The following AFF1 variants were observed in gnomAD, a reference collection of about 807,000 sequenced individuals.
AFF1 encodes AF4/FMR2 family member 1.
A neutral mutation model predicts 121.7 loss-of-function variants in AFF1; 48 were observed. The ratio of observed to expected loss-of-function variants is 0.39; its 90% confidence interval spans 0.31 to 0.50. The LOEUF is 0.50. Ranked by LOEUF, AFF1 falls within the 20% of genes least tolerant of loss-of-function variation. The probability of loss-of-function intolerance (pLI) is 0.76; values close to 1 mark genes in which losing one functional copy is unlikely to be tolerated. For missense variants in AFF1, 1,523 were observed against 1,511.7 expected, an observed-to-expected ratio of 1.01 and a Z score of -0.12; for synonymous variants, 613 against 563.0, an observed-to-expected ratio of 1.09 and a Z score of -1.26.
At chr4:87,111,420 C>A (rs1726519203) in intron 11 of AFF1, among the ~76,000 whole-genome samples, 1 of 151,240 alleles carries the variant, frequency 6.6e-6, no homozygotes. Flanking sequence ...GTGGTGTGAT[C>A]TCGGCTCACT....
chr4:87,065,278 T>G (rs1436991136), intron 4 of AFF1, among the ~76,000 whole-genome samples: 2 of 152,164 alleles, frequency 1.3e-5, no homozygotes, highest in East Asian at 1.9e-4. Context: ...AAACTCCTGT[T>G]TTTAAAACCA....
chr4:86,966,588 A>G (rs566266717), intron 2 of AFF1, among the ~76,000 whole-genome samples: 2 of 79,574 alleles, frequency 2.5e-5, no homozygotes, highest in East Asian at 5.6e-4. Flanking sequence ...GATGGCTCAC[A>G]GGAAAAAAAA....
Position 87,009,584 on chromosome 4 carries a change from G to C in AFF1, c.39-36582G>C, listed in dbSNP as rs183234540. 5.3e-4 allele frequency among the ~76,000 whole-genome samples: 81 copies of C among 152,326 alleles called. No individual in the cohort carries two copies. The Middle Eastern group carries it at 0.017, about 32-fold the overall frequency. On this transcript the variant is annotated intron_variant, in intron 2 of 20. Transcript: ENST00000395146. The stretch of plus-strand genomic sequence containing the variant: ...GTTATGTCTGTTGTTTTCTTAGTCT[G>C]TGTGTTGGGAGTATATCTCACATTT...
intron 11 of AFF1, among the ~76,000 whole-genome samples, chr4:87,110,455 T>C (rs1353308431): frequency 7.5e-6 from 1 of 133,882 alleles, no homozygotes; most frequent in Non-Finnish European, 1.8e-5. Context: ...TGTTTTGTTT[T>C]GTTTTGTTTT....
At chr4:86,937,481 C>A (rs1293622324) in intron 1 of AFF1, among the ~76,000 whole-genome samples, 1 of 152,176 alleles carries the variant, frequency 6.6e-6, no homozygotes, top group Non-Finnish European at 1.5e-5. Context: ...GTGAAAGTTA[C>A]TTTTTTAATT....
intron 4 of AFF1, among the ~76,000 whole-genome samples, chr4:87,072,187 A>T (rs938251048): frequency 6.6e-6 from 1 of 151,794 alleles, no homozygotes; most frequent in African/African-American, 2.4e-5. Flanking sequence ...CACGGTGAAG[A>T]CCCGTCTCTA....
At chr4:87,068,186 G>GTGGGGA (rs1272197756) in intron 4 of AFF1, among the ~76,000 whole-genome samples, 1 of 151,794 alleles carries the variant, frequency 6.6e-6, no homozygotes, top group African/African-American at 2.4e-5. Context: ...TGGAGTGGGG[G>GTGGGGA]TGGGGATGTG....
intron 11 of AFF1, among the ~76,000 whole-genome samples, chr4:87,112,005 G>A (rs1443364699): frequency 6.6e-6 from 1 of 152,192 alleles, no homozygotes; most frequent in Non-Finnish European, 1.5e-5. Context: ...CACATAAATA[G>A]TCTTCTAAAG....
intron 5 of AFF1, among the ~76,000 whole-genome samples, chr4:87,085,121 TA>T (rs1158556875): frequency 3.3e-5 from 5 of 152,268 alleles, no homozygotes; most frequent in Non-Finnish European, 5.9e-5. Flanking sequence ...TGTCATTGAA[TA>T]CATTACCCAC....
intron 16 of AFF1, among the ~76,000 whole-genome samples, chr4:87,129,536 TAA>T (rs1432536939): frequency 6.6e-6 from 1 of 152,208 alleles, no homozygotes; most frequent in Non-Finnish European, 1.5e-5. Flanking sequence ...TGGTGTTGAA[TAA>T]GTATATTTGG....
chr4:86,998,618 A>G (rs1725433907), intron 2 of AFF1, among the ~76,000 whole-genome samples: 1 of 152,052 alleles, frequency 6.6e-6, no homozygotes, highest in African/African-American at 2.4e-5. Context: ...AACATACTGT[A>G]TTGTACCTGT....
chr4:87,101,505 C>T (rs112814458), intron 8 of AFF1, among the ~76,000 whole-genome samples: 126 of 151,966 alleles, frequency 8.3e-4, no homozygotes, highest in African/African-American at 2.8e-3. Context: ...TGAACCTGGA[C>T]GGCGAAGAGT....
At chr4:87,008,121 C>G (rs1726358568) in intron 2 of AFF1, among the ~76,000 whole-genome samples, 1 of 152,170 alleles carries the variant, frequency 6.6e-6, no homozygotes. Context: ...ATTATGAGAT[C>G]CAAACTGTTC....
At position 87,136,338 on chromosome 4, in the gene AFF1, G is replaced by T. The variant is rs369126664; in HGVS notation, c.*637G>T. On this transcript the variant is annotated 3_prime_UTR_variant, in exon 21 of 21. Coordinates refer to ENST00000395146, the MANE Select transcript of AFF1 (RefSeq NM_001166693.3). ...ATTGAAGGCAACCCCCGCTCCTGCC[G>T]CCCCCAATCTCCCCATTGCCTAGAG... 24 of 231,870 alleles carry T rather than the reference G, an allele frequency of 1.0e-4. No individual in the cohort carries two copies. Among genetic ancestry groups the T allele is most frequent in the Non-Finnish European group, 1.3e-4 (15 of 117,376 alleles). 14.4% of individuals were successfully genotyped at this position (231,870 alleles called of 1,614,324 possible).
chr4:87,047,030 C>T lies in AFF1; in HGVS notation c.495C>T (p.His165=). Residue 165 remains histidine (H), a synonymous_variant, in exon 4 of 21, where the codon CAC becomes CAT. Coordinates refer to ENST00000395146, the MANE Select transcript of AFF1 (RefSeq NM_001166693.3). The stretch of plus-strand genomic sequence containing the variant: ...GCTGCGGCCCACCGGACAGCCAGCA[C>T]CTGACCCAGGATCGCCTTGGTCAGG... ...AKSCGPPDSQ[H]LTQDRLGQEG... 2 of 1,614,172 alleles carry T rather than the reference C, an allele frequency of 1.2e-6. No individual in the cohort carries two copies. Among genetic ancestry groups the T allele is most frequent in the Non-Finnish European group, 1.7e-6 (2 of 1,180,026 alleles).
chr4:87,055,997 C>T (rs1030236809), intron 4 of AFF1, among the ~76,000 whole-genome samples: 3 of 152,090 alleles, frequency 2.0e-5, no homozygotes, highest in African/African-American at 4.8e-5. Flanking sequence ...GATGGTTTTT[C>T]CCACAGAGGT....
chr4:87,127,634 C>T lies in AFF1; in HGVS notation c.2904-9C>T, dbSNP rs1560658265. 2 of 1,613,864 alleles carry T rather than the reference C, an allele frequency of 1.2e-6. No homozygotes were observed. Among genetic ancestry groups the T allele is most frequent in the Admixed American group, 1.7e-5 (1 of 59,980 alleles). On this transcript the variant is annotated splice_polypyrimidine_tract_variant and intron_variant, in intron 15 of 20. Coordinates refer to ENST00000395146, the MANE Select transcript of AFF1 (RefSeq NM_001166693.3). Reference sequence around the variant, plus strand: ...ATATGACCTGTCCCTGGTTTTTCCTCTTTTTCAGACAACAAGCAGACCTTC... The same window carrying T: ...ATATGACCTGTCCCTGGTTTTTCCTTTTTTTCAGACAACAAGCAGACCTTC...
chr4:87,110,652 C>T (rs1053743619), intron 11 of AFF1, among the ~76,000 whole-genome samples: 2 of 152,004 alleles, frequency 1.3e-5, no homozygotes, highest in South Asian at 2.1e-4. Flanking sequence ...AAAAATTTTG[C>T]ACTCATATTC....
intron 2 of AFF1, among the ~76,000 whole-genome samples, chr4:87,024,187 C>G (rs1328037777): frequency 6.6e-6 from 1 of 152,152 alleles, no homozygotes; most frequent in Non-Finnish European, 1.5e-5. Flanking sequence ...TCCAGACTTA[C>G]ATGTAAATGT....
Sources: allele counts gnomAD v4.1 joint callset (sites outside exome capture counted in the v4.1 genomes callset), GRCh38; gene constraint gnomAD v4.1.1; transcripts MANE v1.5; gene names NCBI Gene and HGNC (gene_info 2026-07-23, HGNC 2026-07-21).